Variants in KLF3 observed in about 807,000 individuals in gnomAD.
KLF3 encodes Krueppel-like factor 3.
Under a neutral mutation model 32.7 loss-of-function variants are expected in KLF3, and 6 were observed. The observed-to-expected ratio is 0.18, with a 90% CI of 0.10 to 0.36. The LOEUF (loss-of-function observed/expected upper bound fraction) is 0.36, where lower values mean the gene tolerates loss of function less well. Ranked by LOEUF, KLF3 falls within the 10% of genes least tolerant of loss-of-function variation. The pLI, the probability that KLF3 is intolerant of heterozygous loss-of-function variation, is 1.00. For missense variants in KLF3, 338 were observed against 449.7 expected (o/e 0.75, Z 2.25); for synonymous variants, 145 against 172.8 (o/e 0.84, Z 1.26).
chr4:38,686,561 G>A (rs1347547263), intron 2 of KLF3, among the ~76,000 whole-genome samples: 1 of 151,356 alleles, frequency 6.6e-6, no homozygotes, highest in African/African-American at 2.4e-5. Context: ...GGTAGCCTAA[G>A]TTCCCTTGGT....
rs141195435 is a variant in KLF3 at position 38,678,662 on chromosome 4, C to CT, written c.-39-1923dup. ...CTTCCATCATTGTATATGAAGATATCTTAGTATAACCCGTAGAGCACCAAC... is the reference window on the plus strand; with the variant it reads ...CTTCCATCATTGTATATGAAGATATCTTTAGTATAACCCGTAGAGCACCAAC... On this transcript the variant is annotated intron_variant, in intron 1 of 5. Transcript: ENST00000261438. 1.4e-3 allele frequency among the ~76,000 whole-genome samples: 216 copies of CT among 152,248 alleles called. 2 individuals are homozygous for CT. The highest frequency in any genetic ancestry group is 6.8e-3 in the Middle Eastern group (2 of 294).
At chr4:38,668,815 TA>T (rs1276226585) in intron 1 of KLF3, among the ~76,000 whole-genome samples, 17 of 152,224 alleles carry the variant, frequency 1.1e-4, no homozygotes, top group Non-Finnish European at 2.4e-4. Flanking sequence ...TTAATAGAGA[TA>T]ATTAGGGTCT....
At position 38,688,448 on chromosome 4, in the gene KLF3, A is replaced by G; in HGVS notation, c.58-137A>G. On this transcript the variant is annotated intron_variant, in intron 2 of 5. Transcript: ENST00000261438. The surrounding 1 kb of genome is among the most constrained non-coding windows in gnomAD (Gnocchi z 4.9). Reference sequence around the variant, plus strand: ...TCTTTGAGCATTTTTTTAAGGTCACATATATATCGAAATCTAAACTATTTT... The same window carrying G: ...TCTTTGAGCATTTTTTTAAGGTCACGTATATATCGAAATCTAAACTATTTT... 2 of 844,922 alleles carry G rather than the reference A, an allele frequency of 2.4e-6. No homozygotes were observed. The highest frequency in any genetic ancestry group is 3.6e-6 in the Non-Finnish European group (2 of 549,516). 52.3% of individuals were successfully genotyped at this position (844,922 alleles called of 1,614,324 possible).
intron 4 of KLF3, among the ~76,000 whole-genome samples, chr4:38,693,107 CATATATATACAT>C (rs1251921786): frequency 1.2e-4 from 5 of 41,278 alleles, no homozygotes; most frequent in South Asian, 1.9e-3. Context: ...TATATATGTA[CATATATATACAT>C]ATATATATAC....
At chr4:38,665,286 C>G (rs566667579) in intron 1 of KLF3, among the ~76,000 whole-genome samples, 2 of 152,154 alleles carry the variant, frequency 1.3e-5, no homozygotes, top group South Asian at 4.1e-4. Context: ...CCTTAGGCAA[C>G]TGCCTGCAGC....
intron 2 of KLF3, among the ~76,000 whole-genome samples, chr4:38,684,702 C>T (rs188799915): frequency 1.3e-5 from 2 of 152,118 alleles, no homozygotes; most frequent in African/African-American, 2.4e-5. Flanking sequence ...TACAAGCAAG[C>T]ACCACCATGC....
At chr4:38,668,476 A>T (rs1722106373) in intron 1 of KLF3, among the ~76,000 whole-genome samples, 1 of 152,148 alleles carries the variant, frequency 6.6e-6, no homozygotes, top group African/African-American at 2.4e-5. Context: ...CACATTCTTT[A>T]TGTATAAATG....
rs1722769498 is a variant in KLF3 at position 38,688,602 on chromosome 4, C to T, written c.75C>T (p.Tyr25=). Residue 25 remains tyrosine (Y), a synonymous_variant, in exon 3 of 6, where the codon TAC becomes TAT. Coordinates refer to ENST00000261438, the MANE Select transcript of KLF3 (RefSeq NM_016531.6). The surrounding 1 kb of genome is among the most constrained non-coding windows in gnomAD (Gnocchi z 4.9). ...DPVSVSYPSN[Y]MESMKPNKYG... ...TCTAATAGTCATACCCATCTAATTA[C>T]ATGGAATCCATGAAGCCTAACAAGT... is the stretch of plus-strand genomic sequence containing the variant. The T allele has an allele frequency of 6.2e-7, 1 of 1,604,320 alleles. No homozygotes were observed. The highest frequency in any genetic ancestry group is 8.5e-7 in the Non-Finnish European group (1 of 1,172,176).
rs1722789924 is a variant in KLF3 at position 38,688,966 on chromosome 4, C to T, written c.439C>T (p.Pro147Ser). 6.2e-7 allele frequency: 1 copy of T among 1,614,256 alleles called. No homozygotes were observed. Among genetic ancestry groups the T allele is most frequent in the Non-Finnish European group, 8.5e-7 (1 of 1,180,050 alleles). Residue 147 changes from proline to serine, a missense_variant, in exon 3 of 6, where the codon CCG (proline) becomes TCG (serine). Physicochemically the swap from Pro to Ser is moderately conservative, Grantham distance 74 (BLOSUM62 -1). This residue lies in a region of KLF3 where 272 missense variants were observed against 313.4 expected (regional missense o/e 0.87). Transcript: ENST00000261438. This position sits in a 1 kb window ranked among gnomAD's most constrained non-coding sequence, Gnocchi z 4.9. ...CCCGGGGATCCTGCCCGTCATCCAG[C>T]CGGTGGTGGTGCAGCCCGTCCCCTT... ...RSPGILPVIQ[P>S]VVVQPVPFMY...
At position 38,696,186 on chromosome 4, in the gene KLF3, G is replaced by GAAAAAAAAAAAAAA. The variant is rs57996051; in HGVS notation, c.857-887_857-874dup. 2.0e-5 allele frequency among the ~76,000 whole-genome samples: 2 copies of GAAAAAAAAAAAAAA among 99,266 alleles called. 1 individual carries two copies. The highest frequency in any genetic ancestry group is 3.9e-5 in the Non-Finnish European group (2 of 51,758). The allele number at this position is 99,266 out of a possible 152,430, so 65.1% of individuals were successfully genotyped here. ...TATTTGGGTGACAGTTTAGATGTAG[G>GAAAAAAAAAAAAAA]AAAAAAAAAAAAAAAAAAAAAACGC... On this transcript the variant is annotated intron_variant, in intron 5 of 5. Transcript: ENST00000261438.
rs1326639982 is a variant in KLF3 at position 38,701,287 on chromosome 4, C to G, written c.*4024C>G. Among the ~76,000 whole-genome samples the G allele has an allele frequency of 6.6e-6, 1 of 152,142 alleles. No homozygotes were observed. The highest frequency in any genetic ancestry group is 1.5e-5 in the Non-Finnish European group (1 of 68,024). ...CTGAAATCATAAAACTGCAGACAAT[C>G]CAGCAAAAATCTACAAACTCACCTA... On this transcript the variant is annotated 3_prime_UTR_variant, in exon 6 of 6. Coordinates refer to ENST00000261438, the MANE Select transcript of KLF3 (RefSeq NM_016531.6).
At chr4:38,678,515 G>C (rs997751070) in intron 1 of KLF3, among the ~76,000 whole-genome samples, 2 of 152,190 alleles carry the variant, frequency 1.3e-5, no homozygotes, top group African/African-American at 4.8e-5. Flanking sequence ...TGTGATGGAG[G>C]AAAATATAAT....
In KLF3 at chr4:38,667,467, T is replaced by G. The variant is rs148188542; in HGVS notation, c.-40+3006T>G. Among the ~76,000 whole-genome samples the G allele has an allele frequency of 4.2e-3, 633 of 152,332 alleles. 13 individuals are homozygous for G. The highest frequency in any genetic ancestry group is 0.036 in the Admixed American group (556 of 15,302). ...TTAAGACGCCTGTGTTATGTCATAATGAGAAGTCAGTTAACCTTTTTACGT... is the reference window on the plus strand; with the variant it reads ...TTAAGACGCCTGTGTTATGTCATAAGGAGAAGTCAGTTAACCTTTTTACGT... On this transcript the variant is annotated intron_variant, in intron 1 of 5. Coordinates refer to ENST00000261438, the MANE Select transcript of KLF3 (RefSeq NM_016531.6).
intron 1 of KLF3, among the ~76,000 whole-genome samples, chr4:38,677,574 A>G (rs1722391147): frequency 6.6e-6 from 1 of 152,212 alleles, no homozygotes; most frequent in African/African-American, 2.4e-5. Flanking sequence ...AGCGTGCAGG[A>G]TGACATGAAG....
Position 38,689,744 on chromosome 4 carries a change from CAT to C in KLF3, c.563_564del (p.Tyr188Ter). ...TATTTTTTAGTACCTGTAATTGAAT[CAT>C]ATGAGAAGCCTATATCACAGAAAAA... On this transcript the variant is annotated frameshift_variant, in exon 4 of 6. Coordinates refer to ENST00000261438, the MANE Select transcript of KLF3 (RefSeq NM_016531.6). LOFTEE classifies it high-confidence loss of function. 6.3e-7 allele frequency: 1 copy of C among 1,585,866 alleles called. No individual in the cohort carries two copies. Among genetic ancestry groups the C allele is most frequent in the Non-Finnish European group, 8.6e-7 (1 of 1,168,334 alleles).
chr4:38,690,945 T>TAGTC (rs1352852326), intron 4 of KLF3, among the ~76,000 whole-genome samples: 1 of 151,612 alleles, frequency 6.6e-6, no homozygotes, highest in Non-Finnish European at 1.5e-5. Context: ...CACCCAATCA[T>TAGTC]AGTCATTTTT....
intron 2 of KLF3, among the ~76,000 whole-genome samples, chr4:38,681,782 GT>G: frequency 6.6e-6 from 1 of 152,216 alleles, no homozygotes; most frequent in Non-Finnish European, 1.5e-5. Context: ...GTATCTGAAG[GT>G]TGGTAATGAC....
At chr4:38,686,452 A>G (rs1441916031) in intron 2 of KLF3, among the ~76,000 whole-genome samples, 2 of 151,004 alleles carry the variant, frequency 1.3e-5, no homozygotes, top group Admixed American at 6.6e-5. Flanking sequence ...TCAAAAAAAA[A>G]AAAAAAAAAA....
intron 1 of KLF3, among the ~76,000 whole-genome samples, chr4:38,667,935 T>C (rs1722091421): frequency 6.6e-6 from 1 of 152,190 alleles, no homozygotes; most frequent in South Asian, 2.1e-4. Context: ...GGATTATTTC[T>C]TTTTAAGGAC....
Sources: gnomAD v4.1 joint callset for allele counts (sites outside exome capture counted in the v4.1 genomes callset) on GRCh38, gnomAD v4.1.1 for gene constraint, gnomAD v4.1.1 regional missense constraint, Gnocchi (gnomAD v3.1) non-coding constraint, MANE v1.5 for transcripts, NCBI Gene and HGNC (gene_info 2026-07-23, HGNC 2026-07-21) for gene names.